Variants in UNC13B observed in about 807,000 individuals in gnomAD.
The protein encoded by UNC13B is unc-13 homolog B, also known as protein unc-13 homolog B.
A neutral mutation model predicts 211.0 loss-of-function variants in UNC13B; 144 were observed. The observed-to-expected ratio is 0.68, with a 90% CI of 0.60 to 0.78. The LOEUF (loss-of-function observed/expected upper bound fraction) is 0.78. UNC13B is among the 30% of genes least tolerant of loss of function. The pLI, the probability that UNC13B is intolerant of heterozygous loss-of-function variation, is 0.00. For synonymous variants in UNC13B, 709 were observed against 725.8 expected, an observed-to-expected ratio of 0.98 and a Z score of 0.37; for missense variants, 1,777 against 2,002.0, an observed-to-expected ratio of 0.89 and a Z score of 2.14.
chr9:35,233,889 T>A (rs1709425759), intron 3 of UNC13B, among the ~76,000 whole-genome samples: 1 of 152,174 alleles, frequency 6.6e-6, no homozygotes, highest in Non-Finnish European at 1.5e-5. Flanking sequence ...AGACCTCTCT[T>A]AGCTGGACCT....
chr9:35,294,633 A>G (rs188409501), intron 7 of UNC13B, among the ~76,000 whole-genome samples: 26 of 152,332 alleles, frequency 1.7e-4, no homozygotes, highest in South Asian at 1.0e-3. Flanking sequence ...AATTACTAAC[A>G]TGAGTTCATT....
In UNC13B at chr9:35,350,465, C is replaced by A. The variant is rs1015189439; in HGVS notation, c.9415-16482C>A. On this transcript the variant is annotated intron_variant, in intron 11 of 39. Coordinates refer to ENST00000635942, the MANE Select transcript of UNC13B (RefSeq NM_001371189.2). ...ACTTATTGTGGTGCTCTGAAAGATC[C>A]TCTGTGGGCCAGGAAAGCCAAACCC... Among the ~76,000 whole-genome samples, 18 of 152,256 alleles carry A rather than the reference C, an allele frequency of 1.2e-4. No individual in the cohort carries two copies. The East Asian group carries it at 3.5e-3, about 29-fold the overall frequency.
At chr9:35,298,964 C>T (rs1829537264) in intron 8 of UNC13B, among the ~76,000 whole-genome samples, 1 of 152,196 alleles carries the variant, frequency 6.6e-6, no homozygotes, top group African/African-American at 2.4e-5. Flanking sequence ...GGCATGGTGG[C>T]TCATGCCTGT....
intron 1 of UNC13B, among the ~76,000 whole-genome samples, chr9:35,171,600 C>A (rs1461163112): frequency 6.6e-6 from 1 of 152,000 alleles, no homozygotes; most frequent in Non-Finnish European, 1.5e-5. Context: ...AGATGGGTCT[C>A]CCTATGTTGC....
intron 11 of UNC13B, among the ~76,000 whole-genome samples, chr9:35,327,485 G>A (rs892617627): frequency 3.9e-5 from 6 of 152,286 alleles, no homozygotes; most frequent in African/African-American, 1.2e-4. Flanking sequence ...GGCCGGAGAA[G>A]AGGAAGCAAA....
intron 1 of UNC13B, among the ~76,000 whole-genome samples, chr9:35,186,679 G>A (rs189677810): frequency 4.1e-4 from 62 of 152,076 alleles, no homozygotes; most frequent in Non-Finnish European, 7.6e-4. Context: ...TTGAGAAGGC[G>A]GTGTCTGATT....
chr9:35,187,276 C>T (rs1822412629), intron 1 of UNC13B, among the ~76,000 whole-genome samples: 1 of 152,180 alleles, frequency 6.6e-6, no homozygotes. Flanking sequence ...ACCCTATTCA[C>T]TTTCATTACC....
intron 6 of UNC13B, among the ~76,000 whole-genome samples, chr9:35,249,749 T>C (rs1024742811): frequency 6.6e-6 from 1 of 152,228 alleles, no homozygotes; most frequent in African/African-American, 2.4e-5. Context: ...GGCTTCCCTT[T>C]GTGGGTAACC....
rs139197988 is a variant in UNC13B at position 35,245,799 on chromosome 9, C to T, written c.468+2435C>T. Among the ~76,000 whole-genome samples the T allele has an allele frequency of 7.3e-3, 1,114 of 152,002 alleles. 15 individuals are homozygous for T. Among genetic ancestry groups the T allele is most frequent in the African/African-American group, 0.026 (1,060 of 41,472 alleles). On this transcript the variant is annotated intron_variant, in intron 6 of 39. Transcript: ENST00000635942. ...AGGTCTTTGCTATTGTGAATAGTGC[C>T]GCAATAAACATACGCATGCATGTGT...
At chr9:35,331,300 G>C (rs1831355077) in intron 11 of UNC13B, among the ~76,000 whole-genome samples, 1 of 152,230 alleles carries the variant, frequency 6.6e-6, no homozygotes, top group African/African-American at 2.4e-5. Context: ...CCAGGCTGCA[G>C]TGTAGTGGCG....
At chr9:35,248,438 T>C (rs1020877086) in intron 6 of UNC13B, among the ~76,000 whole-genome samples, 33 of 152,332 alleles carry the variant, frequency 2.2e-4, no homozygotes, top group African/African-American at 7.5e-4. Flanking sequence ...GTCCTTTTAA[T>C]TGTGATGTTA....
In UNC13B at chr9:35,269,444, CTA is replaced by C. The variant is rs367553430; in HGVS notation, c.526+10395_526+10396del. Among the ~76,000 whole-genome samples the C allele has an allele frequency of 3.0e-4, 45 of 152,296 alleles. No homozygotes were observed. The South Asian group carries it at 8.9e-3, about 30-fold the overall frequency. ...TTTTGTTCACCAGTGTGGAAACTCTCTAAACCCCTTTGGCTGGGGTTTTCACG... is the reference window on the plus strand; with the variant it reads ...TTTTGTTCACCAGTGTGGAAACTCTCAACCCCTTTGGCTGGGGTTTTCACG... On this transcript the variant is annotated intron_variant, in intron 7 of 39. Transcript: ENST00000635942.
intron 11 of UNC13B, among the ~76,000 whole-genome samples, chr9:35,330,952 G>A (rs1446656807): frequency 2.0e-5 from 3 of 152,198 alleles, no homozygotes; most frequent in African/African-American, 7.2e-5. Flanking sequence ...GCGGGCCTTA[G>A]CTCCAAATGG....
At chr9:35,402,338 G>A (rs1836371966) in intron 37 of UNC13B, among the ~76,000 whole-genome samples, 1 of 148,940 alleles carries the variant, frequency 6.7e-6, no homozygotes, top group Non-Finnish European at 1.5e-5. Flanking sequence ...CTGGAGTCCA[G>A]TGGAGCGATC....
At chr9:35,228,744 G>GTA (rs1825020363) in intron 2 of UNC13B, among the ~76,000 whole-genome samples, 1 of 137,408 alleles carries the variant, frequency 7.3e-6, no homozygotes, top group Non-Finnish European at 1.6e-5. Flanking sequence ...GTGTGTGTGT[G>GTA]TGTGTATGTG....
In UNC13B at chr9:35,295,820, T is replaced by G. The variant is rs762086135; in HGVS notation, c.651T>G (p.Pro217=). 3.1e-6 allele frequency: 5 copies of G among 1,614,172 alleles called. No homozygotes were observed. The Admixed American group carries it at 5.0e-5, about 16-fold the overall frequency. The part of the protein sequence containing the change: ...SQPNASVHQF[P]VPVRSPQQLL... ...CCAACGCTTCTGTGCACCAGTTCCC[T>G]GTGCCGGTGCGATCGCCACAGCAGC... Residue 217 remains proline (P), a synonymous_variant, in exon 8 of 40, where the codon CCT becomes CCG. Coordinates refer to ENST00000635942, the MANE Select transcript of UNC13B (RefSeq NM_001371189.2).
chr9:35,341,795 G>A (rs777244739), intron 11 of UNC13B: 97 of 308,690 alleles, frequency 3.1e-4, no homozygotes, highest in Non-Finnish European at 4.4e-4. Context: ...CGCCAGGAAC[G>A]TGTGAGGAGG....
At chr9:35,287,118 T>TTTTCTTTC (rs564451877) in intron 7 of UNC13B, among the ~76,000 whole-genome samples, 9 of 150,894 alleles carry the variant, frequency 6.0e-5, no homozygotes, top group African/African-American at 2.2e-4. Context: ...TTTCATTTCT[T>TTTTCTTTC]TTTCTTTCTT....
chr9:35,238,284 G>A (rs1164056163), intron 5 of UNC13B, among the ~76,000 whole-genome samples: 2 of 152,154 alleles, frequency 1.3e-5, no homozygotes, highest in African/African-American at 4.8e-5. Context: ...CATGGATAAA[G>A]TTAAAAGTTT....
Sources: allele counts gnomAD v4.1 joint callset (sites outside exome capture counted in the v4.1 genomes callset), GRCh38; gene constraint gnomAD v4.1.1; transcripts MANE v1.5; gene names NCBI Gene and HGNC (gene_info 2026-07-23, HGNC 2026-07-21).